CREB3L2: variants seen among roughly 807,000 people sequenced by gnomAD.
CREB3L2 encodes cyclic AMP-responsive element-binding protein 3-like protein 2.
CREB3L2 carries 23 observed loss-of-function variants against 57.2 expected under a neutral mutation model. The ratio of observed to expected loss-of-function variants is 0.40; its 90% CI spans 0.29 to 0.57. CREB3L2 has a LOEUF of 0.57. Among genes scored for constraint, CREB3L2 ranks in the 20% least tolerant of loss-of-function variants. The pLI, the probability that CREB3L2 is intolerant of heterozygous loss-of-function variation, is 0.42. For missense variants in CREB3L2, 628 were observed against 634.7 expected, an observed-to-expected ratio of 0.99 and a Z score of 0.11; for synonymous variants, 268 against 265.1, an observed-to-expected ratio of 1.01 and a Z score of -0.11.
intron 2 of CREB3L2, among the ~76,000 whole-genome samples, chr7:137,920,139 C>T (rs751617595): frequency 6.6e-6 from 1 of 152,186 alleles, no homozygotes; most frequent in Non-Finnish European, 1.5e-5. Context: ...CTTCCTCCTC[C>T]CTCCATCCAT....
At chr7:137,990,991 T>C (rs1231505094) in intron 1 of CREB3L2, among the ~76,000 whole-genome samples, 1 of 152,148 alleles carries the variant, frequency 6.6e-6, no homozygotes, top group Non-Finnish European at 1.5e-5. Flanking sequence ...TGTGTCTCTG[T>C]TTTTCCATTC....
chr7:137,904,238 G>A (rs1363955232), intron 6 of CREB3L2, among the ~76,000 whole-genome samples: 1 of 152,164 alleles, frequency 6.6e-6, no homozygotes, highest in African/African-American at 2.4e-5. Flanking sequence ...CCAGTAAAAT[G>A]GACACTGAGT....
intron 1 of CREB3L2, among the ~76,000 whole-genome samples, chr7:137,979,760 AC>A (rs1801680821): frequency 1.3e-5 from 2 of 151,906 alleles, no homozygotes; most frequent in Admixed American, 6.6e-5. Flanking sequence ...AACAACAACA[AC>A]AACAAAGAAC....
At position 137,972,684 on chromosome 7, in the gene CREB3L2, CAAA is replaced by C. The variant is rs58627909; in HGVS notation, c.102+28917_102+28919del. On this transcript the variant is annotated intron_variant, in intron 1 of 11. Coordinates refer to ENST00000330387, the MANE Select transcript of CREB3L2 (RefSeq NM_194071.4). ...CAACACAGTGAGATCCCCGTCTCTA[CAAA>C]AAAAAAAAAAAAAAAAAAAAAAAAA... is the stretch of plus-strand genomic sequence containing the variant. 2.8e-3 allele frequency among the ~76,000 whole-genome samples: 27 copies of C among 9,642 alleles called. 1 individual carries two copies. Among genetic ancestry groups the C allele is most frequent in the South Asian group, 7.8e-3 (1 of 128 alleles). The allele number at this position is 9,642 out of a possible 152,430, so 6.3% of individuals were successfully genotyped here. A position where few individuals can be genotyped will look rare whatever the true frequency, so the allele number is the denominator to read the frequency against.
At chr7:137,900,752 C>T (rs760836269) in intron 8 of CREB3L2, among the ~76,000 whole-genome samples, 3 of 151,748 alleles carry the variant, frequency 2.0e-5, no homozygotes, top group South Asian at 2.1e-4. Context: ...TGCAGTGAGC[C>T]GATATCATGC....
chr7:137,929,333 T>C (rs867422901), intron 1 of CREB3L2, among the ~76,000 whole-genome samples: 2 of 152,256 alleles, frequency 1.3e-5, no homozygotes, highest in South Asian at 4.1e-4. Context: ...TTTCTCAACC[T>C]GGCACTAATA....
At chr7:137,990,037 A>T (rs1380713557) in intron 1 of CREB3L2, among the ~76,000 whole-genome samples, 1 of 152,172 alleles carries the variant, frequency 6.6e-6, no homozygotes, top group African/African-American at 2.4e-5. Flanking sequence ...ATCCTTTCTA[A>T]AATACATTTC....
chr7:137,923,803 A>T (rs775728840), intron 2 of CREB3L2, among the ~76,000 whole-genome samples: 2 of 151,836 alleles, frequency 1.3e-5, no homozygotes, highest in Non-Finnish European at 2.9e-5. Flanking sequence ...ATACCTTTCC[A>T]CTTCTCCCTG....
chr7:137,938,341 T>TTTTG (rs974046675), intron 1 of CREB3L2, among the ~76,000 whole-genome samples: 1 of 152,004 alleles, frequency 6.6e-6, no homozygotes, highest in African/African-American at 2.4e-5. Context: ...GAAATGGGTT[T>TTTTG]TTTGTTTGTT....
intron 2 of CREB3L2, 62 bp from the exon 3 acceptor site, chr7:137,916,074 A>C (rs1800125568): frequency 7.3e-7 from 1 of 1,367,244 alleles, no homozygotes; most frequent in Non-Finnish European, 1.0e-6. Context: ...TAAGCAAAAC[A>C]AGCGACCACT....
At chr7:137,945,034 G>A (rs559477556) in intron 1 of CREB3L2, among the ~76,000 whole-genome samples, 12 of 152,106 alleles carry the variant, frequency 7.9e-5, no homozygotes, top group African/African-American at 2.2e-4. Flanking sequence ...CTGGGCTTAC[G>A]GGCATGTGCC....
chr7:137,982,373 C>T (rs1801725663), intron 1 of CREB3L2, among the ~76,000 whole-genome samples: 1 of 152,130 alleles, frequency 6.6e-6, no homozygotes, highest in South Asian at 2.1e-4. Flanking sequence ...AGTGAACCCC[C>T]AGTGCTATGG....
rs768416694 is a variant in CREB3L2 at position 137,901,373 on chromosome 7, C to T, written c.1024G>A (p.Val342Ile). 1 of 1,603,218 alleles carries T rather than the reference C, an allele frequency of 6.2e-7. No homozygotes were observed. The highest frequency in any genetic ancestry group is 1.1e-5 in the South Asian group (1 of 90,672). Reference sequence around the variant, plus strand: ...ACTTACCTATTAGTGTTCTCTAGAACCTCTACCTTCTTCCGAAGCTCCAAG... The same window carrying T: ...ACTTACCTATTAGTGTTCTCTAGAATCTCTACCTTCTTCCGAAGCTCCAAG... ...ENLELRKKVE[V>I]LENTNRTLLQ... The change falls in exon 8 of 12, where the codon GTT (valine) becomes ATT (isoleucine). Residue 342 changes from valine (V) to isoleucine (I), a missense_variant. Val to Ile is a conservative substitution (Grantham distance 29, BLOSUM62 3). This residue lies in a region of CREB3L2 where 272 missense variants were observed against 242.7 expected (regional missense o/e 1.12). Coordinates refer to ENST00000330387, the MANE Select transcript of CREB3L2 (RefSeq NM_194071.4).
At chr7:137,941,466 C>T (rs1455370952) in intron 1 of CREB3L2, among the ~76,000 whole-genome samples, 2 of 152,212 alleles carry the variant, frequency 1.3e-5, no homozygotes, top group Non-Finnish European at 2.9e-5. Context: ...CTGCATGTTC[C>T]TTCCTCTCAT....
At chr7:137,979,421 T>G (rs922887177) in intron 1 of CREB3L2, among the ~76,000 whole-genome samples, 2 of 152,128 alleles carry the variant, frequency 1.3e-5, no homozygotes, top group African/African-American at 4.8e-5. Context: ...CTACCAGTCC[T>G]TAGTTTAATA....
chr7:137,898,960 AAAGGAAGGAAGG>A (rs145339071), intron 8 of CREB3L2, among the ~76,000 whole-genome samples: 28 of 132,808 alleles, frequency 2.1e-4, no homozygotes, highest in African/African-American at 3.1e-4. Context: ...GGAAAGAAGG[AAAGGAAGGAAGG>A]AAGGAAGGAA....
chr7:137,942,226 C>G (rs1002429966), intron 1 of CREB3L2, among the ~76,000 whole-genome samples: 9 of 152,216 alleles, frequency 5.9e-5, no homozygotes, highest in African/African-American at 1.7e-4. Context: ...CTGTTTAAAG[C>G]TGAACTGCAC....
At chr7:137,903,844 G>A (rs1799821685) in intron 7 of CREB3L2, 115 bp downstream of exon 7, 2 of 856,756 alleles carry the variant, frequency 2.3e-6, no homozygotes, top group East Asian at 4.9e-5. Flanking sequence ...ATAAACCACC[G>A]GGTTTCCAAG....
intron 1 of CREB3L2, chr7:137,935,968 T>G: frequency 2.0e-6 from 2 of 981,082 alleles, no homozygotes; most frequent in Non-Finnish European, 2.4e-6. Context: ...GGCCACTTCC[T>G]GCTGCTAACA....
Sources: gnomAD v4.1 joint callset for allele counts (sites outside exome capture counted in the v4.1 genomes callset) on GRCh38, gnomAD v4.1.1 for gene constraint, gnomAD v4.1.1 regional missense constraint, MANE v1.5 for transcripts, NCBI Gene and HGNC (gene_info 2026-07-23, HGNC 2026-07-21) for gene names.